MGST2: variants seen among roughly 807,000 people sequenced by gnomAD.
The protein encoded by MGST2 is microsomal glutathione S-transferase 2, also known as glutathione peroxidase MGST2.
In MGST2, 9 loss-of-function variants were observed where a neutral mutation model predicts 16.6. That is an observed-to-expected ratio of 0.54 (90% confidence interval 0.33 to 0.95). The LOEUF (loss-of-function observed/expected upper bound fraction) is 0.95, where lower values mean the gene tolerates loss of function less well. MGST2 is among the 40% of genes least tolerant of loss of function. MGST2 has a pLI of 0.03. For missense variants in MGST2, 159 were observed against 175.1 expected (o/e 0.91, Z 0.52); for synonymous variants, 79 against 68.0 (o/e 1.16, Z -0.79).
At chr4:139,745,776 T>C in the MGST2 span, among the ~76,000 whole-genome samples, 2 of 152,232 alleles carry the variant, frequency 1.3e-5, no homozygotes, top group Non-Finnish European at 2.9e-5. Flanking sequence ...GTATACAGGA[T>C]TTTAAACATA....
chr4:139,714,781 G>T (rs1727877637), intron 5 of MGST2, among the ~76,000 whole-genome samples: 1 of 152,110 alleles, frequency 6.6e-6, no homozygotes. Flanking sequence ...GGAGGCCAGA[G>T]AAAGAACCAC....
chr4:139,753,805 C>T, the MGST2 span, among the ~76,000 whole-genome samples: 5 of 152,142 alleles, frequency 3.3e-5, no homozygotes, highest in African/African-American at 9.7e-5. Flanking sequence ...CCAGACACAG[C>T]GCTGGACACC....
At chr4:139,682,933 G>A (rs916301418) in intron 2 of MGST2, among the ~76,000 whole-genome samples, 2 of 151,406 alleles carry the variant, frequency 1.3e-5, no homozygotes, top group African/African-American at 2.4e-5. Context: ...CCCCTGCCTC[G>A]CAGATTAATT....
At chr4:139,695,610 T>TC (rs1026528523) in intron 3 of MGST2, among the ~76,000 whole-genome samples, 1 of 151,916 alleles carries the variant, frequency 6.6e-6, no homozygotes, top group Non-Finnish European at 1.5e-5. Context: ...TGACAGAGAC[T>TC]CCATCTCAAA....
intron 5 of MGST2, among the ~76,000 whole-genome samples, chr4:139,737,109 C>A (rs914035245): frequency 6.6e-6 from 1 of 152,094 alleles, no homozygotes; most frequent in South Asian, 2.1e-4. Context: ...CCCTATAATG[C>A]CCTTGCTAAG....
At chr4:139,731,789 G>T (rs1259544732) in intron 5 of MGST2, among the ~76,000 whole-genome samples, 1 of 152,188 alleles carries the variant, frequency 6.6e-6, no homozygotes, top group Non-Finnish European at 1.5e-5. Context: ...CACAGCCCAG[G>T]TGACTACATG....
chr4:139,665,941 C>T lies in MGST2; in HGVS notation c.-79C>T, dbSNP rs1038945774. On this transcript the variant is annotated 5_prime_UTR_variant, in exon 1 of 5. Transcript: ENST00000265498. ...CACCCGGTCCCCAACTTTGTTTACC[C>T]GATAAGGAAGGTCAGCATTCAAAGT... The T allele has an allele frequency of 1.4e-6, 2 of 1,436,980 alleles. No individual in the cohort carries two copies. The highest frequency in any genetic ancestry group is 2.0e-6 in the Non-Finnish European group (2 of 1,022,998). 89.0% of individuals were successfully genotyped at this position (1,436,980 alleles called of 1,614,324 possible).
At chr4:139,691,856 G>C (rs559435111) in intron 2 of MGST2, among the ~76,000 whole-genome samples, 1 of 151,950 alleles carries the variant, frequency 6.6e-6, no homozygotes, top group African/African-American at 2.4e-5. Flanking sequence ...CCGCCACCAC[G>C]CCCGGCTAAT....
At chr4:139,728,172 G>A (rs553142856) in intron 5 of MGST2, among the ~76,000 whole-genome samples, 18 of 152,266 alleles carry the variant, frequency 1.2e-4, no homozygotes, top group East Asian at 1.2e-3. Context: ...CCGAGATCAT[G>A]CCACTGCACT....
At chr4:139,737,146 C>G (rs546714547) in intron 5 of MGST2, among the ~76,000 whole-genome samples, 2 of 152,266 alleles carry the variant, frequency 1.3e-5, no homozygotes, top group Non-Finnish European at 2.9e-5. Flanking sequence ...CCTAGACTTA[C>G]AAGTCCCTCG....
intron 2 of MGST2, among the ~76,000 whole-genome samples, chr4:139,681,451 G>A (rs1035190692): frequency 2.0e-5 from 3 of 151,726 alleles, no homozygotes; most frequent in Non-Finnish European, 4.4e-5. Flanking sequence ...TTATCTTCAG[G>A]TTTTCATAAT....
At position 139,724,764 on chromosome 4, in the gene MGST2, C is replaced by A. The variant is rs1192181268; in HGVS notation, c.*49-15448C>A. On this transcript the variant is annotated intron_variant, in intron 5 of 5. Transcript: ENST00000616265. ...GCTATTTTCTTCACCCCATATAAGACCCTCAAGGGTCTTTTTTTTTTTTTT... is the reference window on the plus strand; with the variant it reads ...GCTATTTTCTTCACCCCATATAAGAACCTCAAGGGTCTTTTTTTTTTTTTT... 2.1e-5 allele frequency among the ~76,000 whole-genome samples: 3 copies of A among 144,106 alleles called. No homozygotes were observed. The South Asian group carries it at 7.0e-4, about 34-fold the overall frequency. The allele number at this position is 144,106 out of a possible 152,430, so 94.5% of individuals were successfully genotyped here. A position where few individuals can be genotyped will look rare whatever the true frequency, so the allele number is the denominator to read the frequency against.
intron 2 of MGST2, among the ~76,000 whole-genome samples, chr4:139,687,349 G>A (rs1415685490): frequency 6.6e-6 from 1 of 152,184 alleles, no homozygotes; most frequent in Non-Finnish European, 1.5e-5. Context: ...CTAAGGCGTA[G>A]GATAAATCGG....
At chr4:139,729,662 A>G (rs1291328293) in intron 5 of MGST2, among the ~76,000 whole-genome samples, 3 of 152,196 alleles carry the variant, frequency 2.0e-5, no homozygotes, top group Non-Finnish European at 4.4e-5. Flanking sequence ...GCCTTTCCCT[A>G]GGATAATGCT....
intron 5 of MGST2, chr4:139,730,773 T>A (rs899096867): frequency 1.9e-6 from 2 of 1,055,574 alleles, no homozygotes; most frequent in Non-Finnish European, 2.7e-6. Flanking sequence ...TCCCAGCTTA[T>A]GGACTGGAGG....
Position 139,700,623 on chromosome 4 carries a change from A to T in MGST2, c.230-2832A>T, listed in dbSNP as rs546695483. On this transcript the variant is annotated intron_variant, in intron 3 of 4. Coordinates refer to ENST00000265498, the MANE Select transcript of MGST2 (RefSeq NM_002413.5). Reference sequence around the variant, plus strand: ...TGGGGAAATTTTTCCTTTCAAGTGCAGAGCCGGGTCTGTAAGTATTTGTAC... The same window carrying T: ...TGGGGAAATTTTTCCTTTCAAGTGCTGAGCCGGGTCTGTAAGTATTTGTAC... Among the ~76,000 whole-genome samples, 6 of 152,358 alleles carry T rather than the reference A, an allele frequency of 3.9e-5. No homozygotes were observed. The South Asian group carries it at 1.0e-3, about 26-fold the overall frequency.
At chr4:139,702,756 C>T (rs1456589487) in intron 3 of MGST2, among the ~76,000 whole-genome samples, 1 of 150,988 alleles carries the variant, frequency 6.6e-6, no homozygotes, top group African/African-American at 2.4e-5. Flanking sequence ...AGAACTTTTC[C>T]CAAAGTGGCT....
At chr4:139,689,634 A>C (rs1032008706) in intron 2 of MGST2, among the ~76,000 whole-genome samples, 4 of 152,288 alleles carry the variant, frequency 2.6e-5, no homozygotes, top group Admixed American at 2.0e-4. Context: ...GAGTCACCTA[A>C]ACAAGAAGAG....
At chr4:139,724,921 G>T (rs1343194904) in intron 5 of MGST2, among the ~76,000 whole-genome samples, 1 of 151,944 alleles carries the variant, frequency 6.6e-6, no homozygotes, top group Non-Finnish European at 1.5e-5. Flanking sequence ...ACCACTCCTG[G>T]CTAATTTTTT....
Sources: allele counts gnomAD v4.1 joint callset (sites outside exome capture counted in the v4.1 genomes callset), GRCh38; gene constraint gnomAD v4.1.1; transcripts MANE v1.5; gene names NCBI Gene and HGNC (gene_info 2026-07-23, HGNC 2026-07-21).